Variants in PUDP observed in about 807,000 individuals in gnomAD.
PUDP encodes pseudouridine-5'-phosphatase.
In PUDP, 8 loss-of-function variants were observed where a neutral mutation model predicts 9.4. The observed-to-expected ratio is 0.85, with a 90% CI of 0.50 to 1.53. The LOEUF (loss-of-function observed/expected upper bound fraction) is 1.53. Among genes scored for constraint, PUDP ranks in the 40% most tolerant of loss-of-function variants. The probability of loss-of-function intolerance (pLI) is 0.00; values close to 1 mark genes in which losing one functional copy is unlikely to be tolerated. For missense variants in PUDP, 188 were observed against 189.7 expected (o/e 0.99, Z 0.05); for synonymous variants, 99 against 80.7 (o/e 1.23, Z -1.22).
chrX:7,146,122 G>T (rs1333437991), intron 1 of PUDP, among the ~76,000 whole-genome samples: 2 of 111,201 alleles, frequency 1.8e-5, no homozygotes, highest in Non-Finnish European at 3.8e-5. Context: ...GAGGAAATGG[G>T]CAGAAAATGA....
chrX:7,019,485 C>T (rs1333065316), intron 1 of PUDP, among the ~76,000 whole-genome samples: 5 of 111,932 alleles, frequency 4.5e-5, no homozygotes, highest in Non-Finnish European at 3.8e-5. Context: ...CAGGCTTTCT[C>T]GGAGACCATC....
intron 2 of PUDP, among the ~76,000 whole-genome samples, chrX:7,101,144 T>C (rs1931720097): frequency 8.9e-6 from 1 of 112,229 alleles, no homozygotes. Context: ...ATATGGCATG[T>C]AGATATGATC....
chrX:7,003,372 T>C (rs1375443222), intron 1 of PUDP, among the ~76,000 whole-genome samples: 4 of 111,289 alleles, frequency 3.6e-5, no homozygotes, highest in Non-Finnish European at 7.5e-5. Flanking sequence ...GATGTGCTGA[T>C]GACATTCTGT....
At chrX:6,756,821 A>AGAC (rs1925173780) in intron 3 of PUDP, among the ~76,000 whole-genome samples, 1 of 112,199 alleles carries the variant, frequency 8.9e-6, no homozygotes, top group African/African-American at 3.3e-5. Context: ...ATGGCAAGAA[A>AGAC]GACTGAGAAA....
At position 6,841,766 on chromosome X, in the gene PUDP, C is replaced by A. The variant is rs980784267; in HGVS notation, c.*248-135300G>T. On this transcript the variant is annotated intron_variant and NMD_transcript_variant, in intron 3 of 3. Transcript: ENST00000655425. ...ATCAACTTCCGGGTCAAATTTCTTTCTTTGTTTTTTTCTTTTTAGAGATGG... is the reference window on the plus strand; with the variant it reads ...ATCAACTTCCGGGTCAAATTTCTTTATTTGTTTTTTTCTTTTTAGAGATGG... Among the ~76,000 whole-genome samples, 8 of 111,711 alleles carry A rather than the reference C, an allele frequency of 7.2e-5. No individual in the cohort carries two copies. The Admixed American group carries it at 7.6e-4, about 11-fold the overall frequency.
intron 1 of PUDP, among the ~76,000 whole-genome samples, chrX:7,109,677 C>A (rs1475080071): frequency 8.9e-6 from 1 of 112,190 alleles, no homozygotes; most frequent in Non-Finnish European, 1.9e-5. Context: ...AAGAAAGGAT[C>A]TAAACAAGTA....
chrX:6,803,474 C>T (rs1183623172), intron 3 of PUDP, among the ~76,000 whole-genome samples: 1 of 112,183 alleles, frequency 8.9e-6, no homozygotes, highest in Non-Finnish European at 1.9e-5. Flanking sequence ...TGTGTCACCC[C>T]TCCAACCCCA....
At chrX:7,099,023 G>A (rs1375467846) in intron 2 of PUDP, among the ~76,000 whole-genome samples, 2 of 112,131 alleles carry the variant, frequency 1.8e-5, no homozygotes, top group Non-Finnish European at 1.9e-5. Flanking sequence ...CATGCCCTGG[G>A]CTCTTCCTCT....
At position 7,049,363 on chromosome X, in the gene PUDP, G is replaced by A. The variant is rs1011071056; in HGVS notation, c.*933C>T. 8.9e-6 allele frequency: 1 copy of A among 112,435 alleles called. No homozygotes were observed. The highest frequency in any genetic ancestry group is 3.7e-4 in the South Asian group (1 of 2,694). The allele number at this position is 112,435 out of a possible 1,213,427, so 9.3% of individuals were successfully genotyped here. A position where few individuals can be genotyped will look rare whatever the true frequency, so the allele number is the denominator to read the frequency against. The stretch of plus-strand genomic sequence containing the variant: ...GATAAATTATTCCAAAAGTGTTCCT[G>A]GGCACTGAGACTCACCAAGCATACA... On this transcript the variant is annotated 3_prime_UTR_variant, in exon 4 of 4. Transcript: ENST00000381077.
intron 3 of PUDP, among the ~76,000 whole-genome samples, chrX:6,848,963 C>T (rs969265938): frequency 8.9e-6 from 1 of 111,920 alleles, no homozygotes; most frequent in African/African-American, 3.2e-5. Flanking sequence ...GTTGGGAATG[C>T]GGAATTTAAA....
chrX:6,799,953 C>A (rs1369397408), intron 3 of PUDP, among the ~76,000 whole-genome samples: 2 of 112,101 alleles, frequency 1.8e-5, no homozygotes, highest in South Asian at 3.7e-4. Context: ...ACTCTTTTTT[C>A]TTCTTGTTAG....
intron 2 of PUDP, among the ~76,000 whole-genome samples, chrX:7,080,584 C>T (rs1041829245): frequency 2.7e-5 from 3 of 112,058 alleles, no homozygotes; most frequent in African/African-American, 9.7e-5. Context: ...TGTAGAAGTA[C>T]TCCACCTAAA....
intron 3 of PUDP, among the ~76,000 whole-genome samples, chrX:6,813,557 C>T (rs1926179533): frequency 9.0e-6 from 1 of 111,588 alleles, no homozygotes; most frequent in Non-Finnish European, 1.9e-5. Flanking sequence ...CTCTCCTTTC[C>T]CCCCGTAGGG....
At chrX:6,730,310 C>T (rs1179087436) in intron 3 of PUDP, among the ~76,000 whole-genome samples, 1 of 112,515 alleles carries the variant, frequency 8.9e-6, no homozygotes, top group Non-Finnish European at 1.9e-5. Flanking sequence ...AAAATGACTT[C>T]TTCCTCTCCT....
At chrX:6,992,681 G>A (rs1279219232) in intron 1 of PUDP, among the ~76,000 whole-genome samples, 2 of 111,189 alleles carry the variant, frequency 1.8e-5, no homozygotes, top group African/African-American at 3.3e-5. Context: ...ACTCAACAGC[G>A]TAAGAACTTG....
At chrX:6,997,328 C>G (rs1205930062) in intron 1 of PUDP, among the ~76,000 whole-genome samples, 2 of 112,388 alleles carry the variant, frequency 1.8e-5, no homozygotes, top group African/African-American at 6.5e-5. Flanking sequence ...AAACCATTTA[C>G]TAGTTCTTCT....
At chrX:7,055,507 C>T (rs774178416) in intron 3 of PUDP, among the ~76,000 whole-genome samples, 45 of 111,466 alleles carry the variant, frequency 4.0e-4, no homozygotes, top group Non-Finnish European at 8.1e-4. Flanking sequence ...CCACCCATCT[C>T]GGCCTCTCAG....
chrX:6,918,159 C>G (rs1927964110), intron 3 of PUDP, among the ~76,000 whole-genome samples: 1 of 112,233 alleles, frequency 8.9e-6, no homozygotes, highest in Admixed American at 9.5e-5. Context: ...GCTCTTGACT[C>G]TTCTTTGATT....
At chrX:7,007,117 G>A (rs1488521556) in intron 1 of PUDP, among the ~76,000 whole-genome samples, 8 of 110,593 alleles carry the variant, frequency 7.2e-5, no homozygotes, top group Non-Finnish European at 1.3e-4. Flanking sequence ...CCAAGGAGGT[G>A]GGAGATCAGT....
Sources: allele counts gnomAD v4.1 joint callset (sites outside exome capture counted in the v4.1 genomes callset), GRCh38; gene constraint gnomAD v4.1.1; transcripts MANE v1.5; gene names NCBI Gene and HGNC (gene_info 2026-07-23, HGNC 2026-07-21).